Variants in DPP10 observed in about 807,000 individuals in gnomAD.
DPP10 encodes inactive dipeptidyl peptidase 10.
A neutral mutation model predicts 120.9 loss-of-function variants in DPP10; 33 were observed. That is an observed-to-expected ratio of 0.27 (90% confidence interval 0.21 to 0.37). The LOEUF (loss-of-function observed/expected upper bound fraction) is 0.37. Ranked by LOEUF, DPP10 falls within the 10% of genes least tolerant of loss-of-function variation. The pLI, the probability that DPP10 is intolerant of heterozygous loss-of-function variation, is 1.00. For missense variants in DPP10, 816 were observed against 942.8 expected (o/e 0.87, Z 1.76); for synonymous variants, 337 against 326.1 (o/e 1.03, Z -0.36).
At chr2:114,604,485 C>T (rs1692630591) in intron 1 of DPP10, among the ~76,000 whole-genome samples, 1 of 152,082 alleles carries the variant, frequency 6.6e-6, no homozygotes, top group African/African-American at 2.4e-5. Flanking sequence ...TCTGCGTGTA[C>T]AGATACCTTT....
At chr2:114,694,478 G>A (rs1699952136) in intron 1 of DPP10, among the ~76,000 whole-genome samples, 1 of 151,808 alleles carries the variant, frequency 6.6e-6, no homozygotes, top group Non-Finnish European at 1.5e-5. Flanking sequence ...TCTCTCAGTG[G>A]GGATAGTTTG....
chr2:115,654,393 G>A (rs969168072), intron 5 of DPP10, among the ~76,000 whole-genome samples: 5 of 151,914 alleles, frequency 3.3e-5, no homozygotes, highest in Non-Finnish European at 5.9e-5. Flanking sequence ...ATACTGGAAT[G>A]TCAATAGATA....
chr2:115,704,500 C>T (rs1049692509), intron 7 of DPP10, among the ~76,000 whole-genome samples: 11 of 151,954 alleles, frequency 7.2e-5, no homozygotes, highest in Middle Eastern at 6.8e-3. Context: ...CCATTTCTTC[C>T]TCCTCCTTTT....
intron 1 of DPP10, among the ~76,000 whole-genome samples, chr2:115,014,252 A>G (rs1173505358): frequency 6.6e-6 from 1 of 152,164 alleles, no homozygotes; most frequent in Non-Finnish European, 1.5e-5. Flanking sequence ...CTACTGGGTA[A>G]TTAACGAAAT....
intron 1 of DPP10, chr2:115,161,224 A>C (rs1236825560): frequency 6.6e-6 from 1 of 152,210 alleles, no homozygotes; most frequent in African/African-American, 2.4e-5. Context: ...TCAGGCCACA[A>C]TCTCAGACAC....
At chr2:115,579,083 A>G (rs1159164593) in intron 5 of DPP10, 1 of 152,190 alleles carries the variant, frequency 6.6e-6, no homozygotes, top group Non-Finnish European at 1.5e-5. Flanking sequence ...AAGTCACACA[A>G]TTTTTACATT....
intron 1 of DPP10, among the ~76,000 whole-genome samples, chr2:114,762,443 A>C (rs1680365848): frequency 6.6e-6 from 1 of 152,268 alleles, no homozygotes; most frequent in African/African-American, 2.4e-5. Context: ...GAATTCTGCA[A>C]TAGGAGCTAC....
intron 3 of DPP10, among the ~76,000 whole-genome samples, chr2:115,491,850 A>G (rs2076142698): frequency 6.6e-6 from 1 of 152,186 alleles, no homozygotes; most frequent in African/African-American, 2.4e-5. Context: ...TGCTAAAGGC[A>G]AGCCATAGAC....
intron 1 of DPP10, among the ~76,000 whole-genome samples, chr2:114,530,740 C>A (rs368983431): frequency 1.3e-5 from 2 of 151,572 alleles, no homozygotes; most frequent in African/African-American, 4.8e-5. Context: ...ATGAGATAGT[C>A]AAAAAAATAC....
At chr2:115,286,882 A>G (rs930022567) in intron 1 of DPP10, among the ~76,000 whole-genome samples, 3 of 151,976 alleles carry the variant, frequency 2.0e-5, no homozygotes, top group African/African-American at 7.2e-5. Context: ...TTGTCACATG[A>G]CACTGATATA....
intron 5 of DPP10, among the ~76,000 whole-genome samples, chr2:115,679,784 C>CA: frequency 6.6e-6 from 1 of 151,958 alleles, no homozygotes; most frequent in African/African-American, 2.4e-5. Flanking sequence ...TACGTGGGAA[C>CA]AAAAACATTT....
chr2:114,897,148 T>C (rs1488004173), intron 1 of DPP10, among the ~76,000 whole-genome samples: 2 of 152,224 alleles, frequency 1.3e-5, no homozygotes, highest in Non-Finnish European at 2.9e-5. Context: ...CAGTATTTTA[T>C]TGAGGATTTT....
At chr2:115,504,864 TA>T (rs2076863114) in intron 4 of DPP10, among the ~76,000 whole-genome samples, 1 of 152,138 alleles carries the variant, frequency 6.6e-6, no homozygotes, top group African/African-American at 2.4e-5. Flanking sequence ...CCTGGAAGTC[TA>T]CTCAGGCACT....
intron 1 of DPP10, among the ~76,000 whole-genome samples, chr2:114,690,929 C>A (rs1699699768): frequency 6.6e-6 from 1 of 152,028 alleles, no homozygotes; most frequent in African/African-American, 2.4e-5. Flanking sequence ...TATCCTGAGA[C>A]TTTGCTGAAG....
chr2:115,675,471 GA>G (rs2090183781), intron 5 of DPP10, among the ~76,000 whole-genome samples: 1 of 152,162 alleles, frequency 6.6e-6, no homozygotes, highest in Non-Finnish European at 1.5e-5. Context: ...ATGTTTAAGG[GA>G]GAACAATGAA....
In DPP10 at chr2:115,058,358, T is replaced by A. The variant is rs1706113716; in HGVS notation, c.61-250881T>A. On this transcript the variant is annotated intron_variant, in intron 1 of 25. Transcript: ENST00000410059. ...ACTGCTCTTTTAGAAGTCCCTTTGT[T>A]TCATGGAGACCAGAAAAAACCATTT... 2.0e-5 allele frequency among the ~76,000 whole-genome samples: 3 copies of A among 151,326 alleles called. 1 individual carries two copies.
chr2:114,639,054 G>A (rs777572685), intron 1 of DPP10, among the ~76,000 whole-genome samples: 2 of 151,864 alleles, frequency 1.3e-5, no homozygotes, highest in Non-Finnish European at 2.9e-5. Context: ...AATACTGCGT[G>A]TTCTCACTTA....
intron 1 of DPP10, among the ~76,000 whole-genome samples, chr2:114,451,808 T>A (rs898532999): frequency 5.9e-5 from 9 of 152,126 alleles, no homozygotes; most frequent in African/African-American, 1.4e-4. Context: ...CTGGGAATCA[T>A]TCCTGAGGTT....
chr2:114,509,572 T>C, intron 1 of DPP10, among the ~76,000 whole-genome samples: 1 of 152,196 alleles, frequency 6.6e-6, no homozygotes, highest in Non-Finnish European at 1.5e-5. Context: ...GGGTGTGACA[T>C]GAAGGAGACA....
Sources: gnomAD v4.1 joint callset for allele counts (sites outside exome capture counted in the v4.1 genomes callset) on GRCh38, gnomAD v4.1.1 for gene constraint, MANE v1.5 for transcripts, NCBI Gene and HGNC (gene_info 2026-07-23, HGNC 2026-07-21) for gene names.